The following ARMH1 variants were observed in gnomAD, a reference collection of about 807,000 sequenced individuals.
The protein encoded by ARMH1 is armadillo-like helical domain containing protein 1.
A neutral mutation model predicts 50.2 loss-of-function variants in ARMH1; 34 were observed. The observed-to-expected ratio is 0.68, with a 90% confidence interval of 0.51 to 0.90. The LOEUF is 0.90. Ranked by LOEUF, ARMH1 falls within the 40% of genes least tolerant of loss-of-function variation. The pLI is 0.00. For missense variants in ARMH1, 538 were observed against 553.9 expected, an observed-to-expected ratio of 0.97 and a Z score of 0.29; for synonymous variants, 221 against 224.2, an observed-to-expected ratio of 0.99 and a Z score of 0.13.
chr1:44,695,944 CAAAAA>C (rs11351390), intron 2 of ARMH1, among the ~76,000 whole-genome samples: 5 of 121,560 alleles, frequency 4.1e-5, no homozygotes, highest in Non-Finnish European at 3.5e-5. Flanking sequence ...GACCCTATCT[CAAAAA>C]AAAAAAAAAA....
At chr1:44,704,066 T>C in intron 5 of ARMH1, 23 bp from the exon 6 acceptor site, 1 of 1,539,256 alleles carries the variant, frequency 6.5e-7, no homozygotes. Flanking sequence ...CTAACCACCT[T>C]GTCCTGTTGT....
intron 6 of ARMH1, 90 bp downstream of exon 6, chr1:44,704,263 G>C (rs1646236347): frequency 1.0e-5 from 10 of 969,834 alleles, no homozygotes; most frequent in Non-Finnish European, 1.6e-5. Context: ...GAGCCTTGAT[G>C]TTGAGTGTCT....
intron 1 of ARMH1, among the ~76,000 whole-genome samples, chr1:44,688,945 T>C: frequency 6.6e-6 from 1 of 152,160 alleles, no homozygotes; most frequent in East Asian, 1.9e-4. Flanking sequence ...AAGGAGCACT[T>C]TAACTTAGGT....
intron 4 of ARMH1, among the ~76,000 whole-genome samples, chr1:44,699,680 G>A (rs756525706): frequency 6.6e-6 from 1 of 152,038 alleles, no homozygotes; most frequent in Non-Finnish European, 1.5e-5. Context: ...TCAAACTCAT[G>A]AGCTCAAGCG....
chr1:44,707,154 T>C (rs1646381384), intron 6 of ARMH1, among the ~76,000 whole-genome samples: 3 of 142,462 alleles, frequency 2.1e-5, no homozygotes, highest in South Asian at 2.5e-4. Flanking sequence ...TCCCCTTACA[T>C]AGACTGTGTG....
In ARMH1 at chr1:44,724,331, C is replaced by T. The variant is rs766949440; in HGVS notation, c.859C>T (p.Leu287Phe). The change falls in exon 8 of 12, where the codon CTC (leucine) becomes TTC (phenylalanine). Residue 287 changes from leucine (L) to phenylalanine (F), a missense_variant. Physicochemically the swap from Leu to Phe is conservative, Grantham distance 22 (BLOSUM62 0). Coordinates refer to ENST00000535358, the MANE Select transcript of ARMH1 (RefSeq NM_001145636.2). The surrounding 1 kb of genome is among the most constrained non-coding windows in gnomAD (Gnocchi z 6.4). ...QAKILSDPSV[L>F]QLTPSLPMFL... ...TGCCCCCTCCTCAGACCCCTCGGTT[C>T]TCCAGCTCACCCCCAGCCTGCCGAT... 4.5e-6 allele frequency: 7 copies of T among 1,551,478 alleles called. No individual in the cohort carries two copies. Among genetic ancestry groups the T allele is most frequent in the Non-Finnish European group, 5.2e-6 (6 of 1,146,996 alleles).
Position 44,697,100 on chromosome 1 carries a change from A to C in ARMH1, c.207-2A>C, listed in dbSNP as rs1418837681. On this transcript the variant is annotated splice_acceptor_variant, in intron 2 of 11. Coordinates refer to ENST00000535358, the MANE Select transcript of ARMH1 (RefSeq NM_001145636.2). LOFTEE classifies it high-confidence loss of function. The stretch of plus-strand genomic sequence containing the variant: ...AAACTCACTCTTTAACGTGTCATAC[A>C]GCTATATGACTGACTCATGTTTAGA... 4 of 1,551,084 alleles carry C rather than the reference A, an allele frequency of 2.6e-6. No individual in the cohort carries two copies. The highest frequency in any genetic ancestry group is 3.9e-5 in the Admixed American group (2 of 51,000).
At chr1:44,707,955 G>A (rs1011949191) in intron 6 of ARMH1, among the ~76,000 whole-genome samples, 2 of 152,114 alleles carry the variant, frequency 1.3e-5, no homozygotes, top group East Asian at 3.8e-4. Flanking sequence ...CATAACAGGT[G>A]CGCACAAAAA....
rs1423614526 is a variant in ARMH1 at position 44,724,554 on chromosome 1, C to A, written c.936C>A (p.Asn312Lys). Reference protein sequence around the residue: ...AAKAIGVLARNDMSIAEELLY... With the variant: ...AAKAIGVLARKDMSIAEELLY... ...CCCGGCCCAGGGTCCTGGCGCGCAACGACATGAGCATCGCCGAGGAGCTGC... is the reference window on the plus strand; with the variant it reads ...CCCGGCCCAGGGTCCTGGCGCGCAAAGACATGAGCATCGCCGAGGAGCTGC... Residue 312 changes from asparagine (N) to lysine (K), a missense_variant, in exon 9 of 12, where the codon AAC (asparagine) becomes AAA (lysine). Asn to Lys is a moderately conservative substitution (Grantham distance 94, BLOSUM62 0). Coordinates refer to ENST00000535358, the MANE Select transcript of ARMH1 (RefSeq NM_001145636.2). This position sits in a 1 kb window ranked among gnomAD's most constrained non-coding sequence, Gnocchi z 6.4. 6.6e-7 allele frequency: 1 copy of A among 1,512,284 alleles called. No homozygotes were observed. Among genetic ancestry groups the A allele is most frequent in the African/African-American group, 1.4e-5 (1 of 69,458 alleles). The allele number at this position is 1,512,284 out of a possible 1,614,324, so 93.7% of individuals were successfully genotyped here. A position where few individuals can be genotyped will look rare whatever the true frequency, so the allele number is the denominator to read the frequency against.
chr1:44,680,996 C>CTT (rs1333237982), intron 1 of ARMH1, among the ~76,000 whole-genome samples: 34 of 138,922 alleles, frequency 2.4e-4, no homozygotes, highest in African/African-American at 5.9e-4. Flanking sequence ...TTCCGATCCC[C>CTT]TTTTTTTTTT....
intron 6 of ARMH1, among the ~76,000 whole-genome samples, chr1:44,706,682 A>G (rs1298852516): frequency 6.6e-6 from 1 of 152,130 alleles, no homozygotes; most frequent in Admixed American, 6.6e-5. Context: ...GTCTGTGTGC[A>G]TATGTGGGCC....
Position 44,725,470 on chromosome 1 carries a change from C to T in ARMH1, c.*67C>T. The T allele has an allele frequency of 2.7e-6, 4 of 1,490,468 alleles. No homozygotes were observed. The South Asian group carries it at 3.6e-5, about 14-fold the overall frequency. 92.3% of individuals were successfully genotyped at this position (1,490,468 alleles called of 1,614,324 possible). On this transcript the variant is annotated 3_prime_UTR_variant, in exon 12 of 12. Transcript: ENST00000535358. ...GGGAAGCCTGGCAAGAGGAAGGCGC[C>T]TGGGGTCAAGCTCAGAGCCACTCCA...
intron 5 of ARMH1, among the ~76,000 whole-genome samples, chr1:44,703,244 C>T (rs910646156): frequency 2.6e-5 from 4 of 152,154 alleles, no homozygotes; most frequent in Admixed American, 6.5e-5. Context: ...TCAGAGTAGC[C>T]GGCCTTGTTC....
At position 44,719,872 on chromosome 1, in the gene ARMH1, A is replaced by T. The variant is rs890841054; in HGVS notation, c.725-4250A>T. On this transcript the variant is annotated intron_variant, in intron 6 of 11. Transcript: ENST00000535358. ...CCCAGTTCTGGGGTGGCCAAGAAGTATAAGGTCCTGGCTTCAAAGCACTCT... is the reference window on the plus strand; with the variant it reads ...CCCAGTTCTGGGGTGGCCAAGAAGTTTAAGGTCCTGGCTTCAAAGCACTCT... 1.3e-5 allele frequency among the ~76,000 whole-genome samples: 2 copies of T among 152,184 alleles called. 1 individual carries two copies. The highest frequency in any genetic ancestry group is 4.1e-4 in the South Asian group (2 of 4,834).
At chr1:44,675,049 G>A (rs1315729333) in intron 1 of ARMH1, among the ~76,000 whole-genome samples, 176 bp downstream of exon 1, 7 of 152,112 alleles carry the variant, frequency 4.6e-5, no homozygotes, top group Admixed American at 4.6e-4. Context: ...CGAGGAGCTG[G>A]GAGTGCAACT....
chr1:44,675,891 T>C (rs1229340504), intron 1 of ARMH1, among the ~76,000 whole-genome samples: 7 of 151,026 alleles, frequency 4.6e-5, no homozygotes, highest in Non-Finnish European at 1.0e-4. Flanking sequence ...ACCTGGGAGG[T>C]AGAGGTGGCA....
intron 5 of ARMH1, 124 bp from the exon 6 acceptor site, chr1:44,703,965 A>T: frequency 3.0e-6 from 2 of 665,748 alleles, no homozygotes; most frequent in African/African-American, 1.9e-5. Context: ...TGACCTCGTG[A>T]TCTGCCCACC....
chr1:44,679,749 T>A (rs1645247807), intron 1 of ARMH1, among the ~76,000 whole-genome samples: 1 of 152,240 alleles, frequency 6.6e-6, no homozygotes, highest in Admixed American at 6.5e-5. Context: ...GTTGGTAGTT[T>A]TATGGACCTG....
At chr1:44,714,708 C>T (rs1421484557) in intron 6 of ARMH1, among the ~76,000 whole-genome samples, 1 of 152,122 alleles carries the variant, frequency 6.6e-6, no homozygotes, top group Non-Finnish European at 1.5e-5. Flanking sequence ...TGTTCTGTCA[C>T]CTAGGCTGGA....
Sources: allele counts gnomAD v4.1 joint callset (sites outside exome capture counted in the v4.1 genomes callset), GRCh38; gene constraint gnomAD v4.1.1; non-coding constraint Gnocchi (gnomAD v3.1); transcripts MANE v1.5; gene names NCBI Gene and HGNC (gene_info 2026-07-23, HGNC 2026-07-21).